RHOBTB1: variants seen among roughly 807,000 people sequenced by gnomAD.
The protein encoded by RHOBTB1 is Rho related BTB domain containing 1.
RHOBTB1 carries 40 observed loss-of-function variants against 71.6 expected under a neutral mutation model. The observed-to-expected ratio is 0.56, with a 90% CI of 0.43 to 0.73. The LOEUF (loss-of-function observed/expected upper bound fraction) is 0.73. Ranked by LOEUF, RHOBTB1 falls within the 30% of genes least tolerant of loss-of-function variation. RHOBTB1 has a pLI of 0.00. For synonymous variants in RHOBTB1, 319 were observed against 334.9 expected (o/e 0.95, Z 0.52); for missense variants, 797 against 894.0 (o/e 0.89, Z 1.38).
chr10:60,878,086 C>G (rs958961390), intron 7 of RHOBTB1, 28 bp from the exon 8 acceptor site: 1 of 1,598,048 alleles, frequency 6.3e-7, no homozygotes, highest in African/African-American at 1.3e-5. Flanking sequence ...AAGCTAAATT[C>G]TGCTGCAGAA....
intron 1 of RHOBTB1, among the ~76,000 whole-genome samples, chr10:60,999,363 A>G (rs1241989445): frequency 6.6e-6 from 1 of 152,230 alleles, no homozygotes; most frequent in African/African-American, 2.4e-5. Flanking sequence ...TCTACCTAAA[A>G]CAACAACAAA....
At chr10:60,942,849 C>T (rs925004271) in intron 1 of RHOBTB1, among the ~76,000 whole-genome samples, 1 of 139,842 alleles carries the variant, frequency 7.2e-6, no homozygotes, top group African/African-American at 2.8e-5. Context: ...ATGAAACCAC[C>T]GATAACGGTA....
downstream of RHOBTB1, among the ~76,000 whole-genome samples, chr10:60,864,863 G>GTACT (rs1015874232): frequency 2.6e-5 from 4 of 152,024 alleles, no homozygotes; most frequent in African/African-American, 9.7e-5. Flanking sequence ...GCTAATTTTT[G>GTACT]TACTTTTGCT....
At chr10:60,974,987 G>A (rs762036694) in intron 2 of RHOBTB1, among the ~76,000 whole-genome samples, 1 of 151,972 alleles carries the variant, frequency 6.6e-6, no homozygotes, top group Non-Finnish European at 1.5e-5. Flanking sequence ...TGTATGTGTG[G>A]CTGAGAGCTG....
intron 2 of RHOBTB1, among the ~76,000 whole-genome samples, chr10:60,920,321 A>C (rs959542266): frequency 3.3e-5 from 5 of 152,196 alleles, no homozygotes; most frequent in Non-Finnish European, 5.9e-5. Flanking sequence ...CTTGAAAAAA[A>C]CCAAAGGATG....
intron 2 of RHOBTB1, among the ~76,000 whole-genome samples, chr10:60,913,874 T>C (rs1395491066): frequency 6.6e-6 from 1 of 152,138 alleles, no homozygotes; most frequent in Non-Finnish European, 1.5e-5. Context: ...GTGGGTATCA[T>C]AAAAATACTC....
At chr10:60,863,133 G>A in the RHOBTB1 span, among the ~76,000 whole-genome samples, 3 of 152,142 alleles carry the variant, frequency 2.0e-5, no homozygotes, top group Admixed American at 1.3e-4. Context: ...TTTTTAGAAA[G>A]AAATTGCTGT....
At chr10:60,879,735 T>C (rs912324136) in intron 7 of RHOBTB1, among the ~76,000 whole-genome samples, 6 of 152,116 alleles carry the variant, frequency 3.9e-5, no homozygotes, top group African/African-American at 1.4e-4. Flanking sequence ...TACATCTTTA[T>C]AACATGGTTA....
At chr10:60,972,478 T>C (rs1048609698) in intron 2 of RHOBTB1, among the ~76,000 whole-genome samples, 2 of 151,962 alleles carry the variant, frequency 1.3e-5, no homozygotes, top group Non-Finnish European at 2.9e-5. Flanking sequence ...AAGTAGGAGA[T>C]GAACAATGAG....
At chr10:60,988,181 G>C (rs1019700703) in intron 1 of RHOBTB1, among the ~76,000 whole-genome samples, 3 of 151,808 alleles carry the variant, frequency 2.0e-5, no homozygotes, top group Non-Finnish European at 4.4e-5. Context: ...TGATCTGCCC[G>C]CCTCGGCCTC....
chr10:60,893,838 T>G (rs1307117677), intron 4 of RHOBTB1, among the ~76,000 whole-genome samples: 1 of 152,208 alleles, frequency 6.6e-6, no homozygotes, highest in African/African-American at 2.4e-5. Context: ...CCAATTATGG[T>G]GTTTGATAAA....
rs758375261 is a variant in RHOBTB1, at chr10:60,888,739, G to C, written c.929C>G (p.Ala310Gly). ...TCTGCTCTGCTTCTCTTTCTCACAG[G>C]CTCCTTCACTCCCATTTGGGGATTC... ...CEESPNGSEG[A>G]CEKEKQSRDF... The change falls in exon 6 of 11, where the codon GCC (alanine) becomes GGC (glycine). Residue 310 changes from alanine to glycine, a missense_variant. This residue lies in a region of RHOBTB1 where 658 missense variants were observed against 681.5 expected (regional missense o/e 0.97). Transcript: ENST00000337910. 3 of 1,614,110 alleles carry C rather than the reference G, an allele frequency of 1.9e-6. No individual in the cohort carries two copies. Among genetic ancestry groups the C allele is most frequent in the East Asian group, 2.2e-5 (1 of 44,872 alleles).
intron 2 of RHOBTB1, among the ~76,000 whole-genome samples, chr10:60,956,285 G>A (rs918053723): frequency 6.6e-6 from 1 of 152,158 alleles, no homozygotes; most frequent in African/African-American, 2.4e-5. Context: ...TGGTATGCCT[G>A]TATAGGGCAT....
At chr10:60,951,971 T>C (rs953460207) in intron 2 of RHOBTB1, among the ~76,000 whole-genome samples, 2 of 151,844 alleles carry the variant, frequency 1.3e-5, no homozygotes, top group African/African-American at 2.4e-5. Flanking sequence ...GGCAGGAGAA[T>C]TGCTTGAACC....
chr10:60,868,342 A>T (rs991936189), downstream of RHOBTB1, among the ~76,000 whole-genome samples: 1 of 151,984 alleles, frequency 6.6e-6, no homozygotes, highest in Non-Finnish European at 1.5e-5. Context: ...TGTGCCAATT[A>T]AAAAAAATCC....
chr10:60,935,052 A>G (rs2084496265), intron 2 of RHOBTB1, among the ~76,000 whole-genome samples: 1 of 152,210 alleles, frequency 6.6e-6, no homozygotes, highest in South Asian at 2.1e-4. Context: ...TGTTCTTGGC[A>G]GCACTATCCA....
Position 60,880,202 on chromosome 10 carries a change from T to TGTGA in RHOBTB1, c.1576-2145_1576-2144insTCAC, listed in dbSNP as rs1418979791. Among the ~76,000 whole-genome samples the TGTGA allele has an allele frequency of 3.7e-3, 467 of 126,958 alleles. 4 individuals carry two copies. The highest frequency in any genetic ancestry group is 0.013 in the Middle Eastern group (3 of 230). The allele number at this position is 126,958 out of a possible 152,430, so 83.3% of individuals were successfully genotyped here. A position where few individuals can be genotyped will look rare whatever the true frequency, so the allele number is the denominator to read the frequency against. On this transcript the variant is annotated intron_variant, in intron 7 of 10. Coordinates refer to ENST00000337910, the MANE Select transcript of RHOBTB1 (RefSeq NM_014836.5). ...CTGTGTGTGTGTGTGTGTGTGTGTG[T>TGTGA]GAGAGAGAGAGAGAGAGAGAGAGAG...
rs150520523 is a variant in RHOBTB1 at position 60,888,983 on chromosome 10, G to A, written c.685C>T (p.Leu229Phe). 1.2e-6 allele frequency: 2 copies of A among 1,614,166 alleles called. No homozygotes were observed. The highest frequency in any genetic ancestry group is 1.7e-6 in the Non-Finnish European group (2 of 1,180,034). ...SHLKKVQKPL[L>F]QAPFLPPKAP... Reference sequence around the variant, plus strand: ...TTTGGAGGTAGGAAGGGTGCCTGAAGTAAAGGTTTCTGGACTTTCTTTAGG... The same window carrying A: ...TTTGGAGGTAGGAAGGGTGCCTGAAATAAAGGTTTCTGGACTTTCTTTAGG... Residue 229 changes from leucine to phenylalanine, a missense_variant, in exon 6 of 11, where the codon CTT (leucine) becomes TTT (phenylalanine). Around this residue, in one of 2 missense-constraint regions of RHOBTB1, gnomAD observed 658 missense variants for 681.5 expected, o/e 0.97. Transcript: ENST00000337910.
At chr10:61,001,959 G>T (rs1366480814), upstream of RHOBTB1, among the ~76,000 whole-genome samples, 1 of 152,214 alleles carries the variant, frequency 6.6e-6, no homozygotes, top group Non-Finnish European at 1.5e-5. Context: ...TTTTCTTATA[G>T]GGACGTTCTC....
Sources: allele counts gnomAD v4.1 joint callset (sites outside exome capture counted in the v4.1 genomes callset), GRCh38; gene constraint gnomAD v4.1.1; regional missense constraint gnomAD v4.1.1; transcripts MANE v1.5; gene names NCBI Gene and HGNC (gene_info 2026-07-23, HGNC 2026-07-21).